The following ARIH1 variants were observed in gnomAD, a reference collection of about 807,000 sequenced individuals.
ARIH1 encodes the protein ariadne RBR E3 ubiquitin protein ligase 1, also known as E3 ubiquitin-protein ligase ARIH1.
In ARIH1, 8 loss-of-function variants were observed where a neutral mutation model predicts 85.0. The observed-to-expected ratio is 0.09, with a 90% CI of 0.06 to 0.17. The LOEUF is 0.17. ARIH1 is among the 10% of genes least tolerant of loss of function. The probability of loss-of-function intolerance (pLI) is 1.00; values close to 1 mark genes in which losing one functional copy is unlikely to be tolerated. For synonymous variants in ARIH1, 238 were observed against 253.6 expected (o/e 0.94, Z 0.59); for missense variants, 311 against 718.1 (o/e 0.43, Z 6.48).
chr15:72,496,726 T>C (rs553537680), intron 1 of ARIH1: 127 of 841,808 alleles, frequency 1.5e-4, no homozygotes, highest in Non-Finnish European at 1.7e-4. Flanking sequence ...TTTTAATTTT[T>C]ATCAAGTGTG....
At chr15:72,528,353 G>A (rs1480976130) in intron 2 of ARIH1, among the ~76,000 whole-genome samples, 3 of 152,126 alleles carry the variant, frequency 2.0e-5, no homozygotes, top group Non-Finnish European at 2.9e-5. Context: ...TCATTCTGAA[G>A]CATTAATACC....
rs186651850 is a variant in ARIH1 at position 72,602,544 on chromosome 15, A to G, written c.*19252A>G. The G allele has an allele frequency of 2.5e-4, 38 of 152,364 alleles. No homozygotes were observed. The East Asian group carries it at 7.1e-3, about 29-fold the overall frequency. 9.4% of individuals were successfully genotyped at this position (152,364 alleles called of 1,614,324 possible). On this transcript the variant is annotated 3_prime_UTR_variant, in exon 14 of 14. Transcript: ENST00000379887. ...CTCGCCCTTGCAATTTAGATGTACAATCTGCCTCTTCAGTGGTTTCCACAC... is the reference window on the plus strand; with the variant it reads ...CTCGCCCTTGCAATTTAGATGTACAGTCTGCCTCTTCAGTGGTTTCCACAC...
At chr15:72,530,392 A>G (rs754776414) in intron 2 of ARIH1, among the ~76,000 whole-genome samples, 1 of 152,128 alleles carries the variant, frequency 6.6e-6, no homozygotes, top group Non-Finnish European at 1.5e-5. Context: ...CTTTGTTAGT[A>G]GAGGGGGAAG....
intron 2 of ARIH1, among the ~76,000 whole-genome samples, chr15:72,533,189 T>C (rs1204617872): frequency 1.3e-5 from 2 of 152,148 alleles, no homozygotes; most frequent in Non-Finnish European, 2.9e-5. Context: ...GGTGCAGTGG[T>C]GAGATCATGG....
At chr15:72,530,874 A>T (rs1402962390) in intron 2 of ARIH1, among the ~76,000 whole-genome samples, 1 of 152,244 alleles carries the variant, frequency 6.6e-6, no homozygotes, top group Non-Finnish European at 1.5e-5. Context: ...TACAGAAGAG[A>T]TTAAGAAATA....
intron 2 of ARIH1, among the ~76,000 whole-genome samples, chr15:72,537,901 C>T (rs1349218989): frequency 6.6e-6 from 1 of 152,162 alleles, no homozygotes; most frequent in Admixed American, 6.5e-5. Flanking sequence ...TGTGTATATA[C>T]ATTTTCATAC....
chr15:72,558,616 A>G (rs1041763816), intron 5 of ARIH1, among the ~76,000 whole-genome samples: 18 of 152,304 alleles, frequency 1.2e-4, no homozygotes, highest in Admixed American at 6.5e-4. Flanking sequence ...ACTATTTTCA[A>G]TTTGTGATGG....
At chr15:72,546,829 A>G (rs2064131134) in intron 3 of ARIH1, among the ~76,000 whole-genome samples, 1 of 148,666 alleles carries the variant, frequency 6.7e-6, no homozygotes, top group Admixed American at 6.7e-5. Flanking sequence ...GAGCTCAAGC[A>G]GTCTGCCCAC....
chr15:72,576,986 T>G (rs1374468259), intron 11 of ARIH1, among the ~76,000 whole-genome samples: 1 of 152,028 alleles, frequency 6.6e-6, no homozygotes, highest in Non-Finnish European at 1.5e-5. Context: ...TGTGCTTTTT[T>G]TTTTTTCTTT....
chr15:72,500,298 T>C (rs1468812517), intron 1 of ARIH1, among the ~76,000 whole-genome samples: 1 of 152,168 alleles, frequency 6.6e-6, no homozygotes, highest in Non-Finnish European at 1.5e-5. Flanking sequence ...TTTCACTGTG[T>C]TGGCCAGGAT....
At chr15:72,507,931 T>C (rs2063933427) in intron 1 of ARIH1, among the ~76,000 whole-genome samples, 1 of 152,252 alleles carries the variant, frequency 6.6e-6, no homozygotes, top group African/African-American at 2.4e-5. Context: ...TCTACAGATG[T>C]ACTTTTTCGG....
Position 72,592,572 on chromosome 15 carries a change from C to T in ARIH1, c.*9280C>T, listed in dbSNP as rs2140445584. On this transcript the variant is annotated 3_prime_UTR_variant, in exon 14 of 14. Coordinates refer to ENST00000379887, the MANE Select transcript of ARIH1 (RefSeq NM_005744.5). The stretch of plus-strand genomic sequence containing the variant: ...AAATTCTCAAGTACTTTTAAATCAC[C>T]CCTGAGCACCTCCCCACTCCAGTGA... The T allele has an allele frequency of 6.6e-6, 1 of 152,176 alleles. No homozygotes were observed. The highest frequency in any genetic ancestry group is 1.5e-5 in the Non-Finnish European group (1 of 67,998). The allele number at this position is 152,176 out of a possible 1,614,324, so 9.4% of individuals were successfully genotyped here. A position where few individuals can be genotyped will look rare whatever the true frequency, so the allele number is the denominator to read the frequency against.
chr15:72,523,391 A>G (rs2064009591), intron 2 of ARIH1, among the ~76,000 whole-genome samples: 1 of 152,234 alleles, frequency 6.6e-6, no homozygotes, highest in Non-Finnish European at 1.5e-5. Flanking sequence ...CCAATCTGCA[A>G]TGGCTGTATA....
rs2063983701 is a variant in ARIH1, at chr15:72,518,231, C to G, written c.443+97C>G. 5.0e-6 allele frequency: 5 copies of G among 1,001,336 alleles called. No individual in the cohort carries two copies. The Admixed American group carries it at 7.1e-5, about 14-fold the overall frequency. The allele number at this position is 1,001,336 out of a possible 1,614,324, so 62.0% of individuals were successfully genotyped here. A position where few individuals can be genotyped will look rare whatever the true frequency, so the allele number is the denominator to read the frequency against. On this transcript the variant is annotated intron_variant, in intron 2 of 13. Coordinates refer to ENST00000379887, the MANE Select transcript of ARIH1 (RefSeq NM_005744.5). The stretch of plus-strand genomic sequence containing the variant: ...TCAAGTAAGGGAATTGATGAATATA[C>G]CAGTATGTGGACAACCCAGTGTGCA...
At chr15:72,485,483 G>C (rs959643528) in intron 1 of ARIH1, among the ~76,000 whole-genome samples, 1 of 151,486 alleles carries the variant, frequency 6.6e-6, no homozygotes, top group African/African-American at 2.4e-5. Flanking sequence ...AAATAACAGT[G>C]AGCTATTTTT....
intron 1 of ARIH1, among the ~76,000 whole-genome samples, chr15:72,505,400 G>A (rs1052593030): frequency 2.7e-5 from 4 of 150,254 alleles, no homozygotes; most frequent in South Asian, 2.1e-4. Context: ...GTTTTTTTTC[G>A]CTCAGTGGTA....
Position 72,576,604 on chromosome 15 carries a change from T to C in ARIH1, c.1216-4127T>C, listed in dbSNP as rs563308705. 7.9e-5 allele frequency among the ~76,000 whole-genome samples: 12 copies of C among 152,142 alleles called. 1 individual carries two copies. The South Asian group carries it at 2.5e-3, about 32-fold the overall frequency. On this transcript the variant is annotated intron_variant, in intron 11 of 13. Coordinates refer to ENST00000379887, the MANE Select transcript of ARIH1 (RefSeq NM_005744.5). ...CAAATCAGGTATTGGAAATACTTTATCTTTTTAAAAGTCCATTCCCTCTAG... is the reference window on the plus strand; with the variant it reads ...CAAATCAGGTATTGGAAATACTTTACCTTTTTAAAAGTCCATTCCCTCTAG...
At chr15:72,528,298 G>A (rs1309488983) in intron 2 of ARIH1, among the ~76,000 whole-genome samples, 1 of 152,080 alleles carries the variant, frequency 6.6e-6, no homozygotes, top group Non-Finnish European at 1.5e-5. Flanking sequence ...CCTGAAGAAG[G>A]ATTTCAGTCT....
At chr15:72,564,678 C>T (rs544543664) in intron 7 of ARIH1, among the ~76,000 whole-genome samples, 16 of 152,280 alleles carry the variant, frequency 1.1e-4, no homozygotes, top group East Asian at 7.7e-4. Flanking sequence ...ATAAACTGGG[C>T]GGCTTCTAAA....
Sources: gnomAD v4.1 joint callset for allele counts (sites outside exome capture counted in the v4.1 genomes callset) on GRCh38, gnomAD v4.1.1 for gene constraint, MANE v1.5 for transcripts, NCBI Gene and HGNC (gene_info 2026-07-23, HGNC 2026-07-21) for gene names.